Variants in ZDHHC15 observed in about 807,000 individuals in gnomAD.
ZDHHC15 encodes the protein palmitoyltransferase ZDHHC15.
A neutral mutation model predicts 31.7 loss-of-function variants in ZDHHC15; 19 were observed. That is an observed-to-expected ratio of 0.60 (90% confidence interval 0.42 to 0.88). The LOEUF (loss-of-function observed/expected upper bound fraction) is 0.88. Among genes scored for constraint, ZDHHC15 ranks in the 40% least tolerant of loss-of-function variants. ZDHHC15 has a pLI of 0.00. For synonymous variants in ZDHHC15, 103 were observed against 90.0 expected (o/e 1.14, Z -0.82); for missense variants, 209 against 251.2 (o/e 0.83, Z 1.14).
chrX:75,444,772 T>G, intron 4 of ZDHHC15, among the ~76,000 whole-genome samples: 1 of 100,080 alleles, frequency 1.0e-5, no homozygotes, highest in Admixed American at 1.1e-4. Context: ...CTGGAAATGG[T>G]AATGTTTAAA....
chrX:75,394,769 C>T (rs1263884522), intron 10 of ZDHHC15, among the ~76,000 whole-genome samples: 1 of 111,696 alleles, frequency 9.0e-6, no homozygotes, highest in Admixed American at 9.5e-5. Context: ...AAAACAATAA[C>T]AGCTGGAGAC....
chrX:75,443,852 G>A (rs1425131058), intron 4 of ZDHHC15, among the ~76,000 whole-genome samples: 6 of 110,073 alleles, frequency 5.5e-5, no homozygotes, highest in Non-Finnish European at 1.1e-4. Context: ...ATGCAGCCAA[G>A]ACACACATGA....
Position 75,373,926 on chromosome X carries a change from G to GTT in ZDHHC15, c.*33-983_*33-982dup, listed in dbSNP as rs35704680. ...ATACTAGGTCTTATTCATTCTTTCT[G>GTT]TTTTTTTTTTTTTTTTTTTTTTGTA... is the stretch of plus-strand genomic sequence containing the variant. On this transcript the variant is annotated intron_variant, in intron 11 of 11. Transcript: ENST00000373367. Among the ~76,000 whole-genome samples, 148 of 50,442 alleles carry GTT rather than the reference G, an allele frequency of 2.9e-3. 9 individuals are homozygous for GTT. The highest frequency in any genetic ancestry group is 0.01 in the African/African-American group (138 of 13,175). 43.8% of individuals were successfully genotyped at this position (50,442 alleles called of 115,157 possible).
chrX:75,514,236 T>C (rs1401779861), intron 1 of ZDHHC15, among the ~76,000 whole-genome samples: 1 of 110,018 alleles, frequency 9.1e-6, no homozygotes, highest in African/African-American at 3.4e-5. Context: ...GAGTTTTACG[T>C]TTTTTTTAAC....
In ZDHHC15 at chrX:75,474,522, GTA is replaced by G. The variant is rs1257726704; in HGVS notation, c.258+4367_258+4368del. ...CACTTTTATATACTCCCATATGTGT[GTA>G]TATATATATATATAATCCCCTTTAT... On this transcript the variant is annotated intron_variant, in intron 3 of 11. Coordinates refer to ENST00000373367, the MANE Select transcript of ZDHHC15 (RefSeq NM_144969.3). Among the ~76,000 whole-genome samples, 26 of 10,609 alleles carry G rather than the reference GTA, an allele frequency of 2.5e-3. No individual in the cohort carries two copies. The East Asian group carries it at 0.042, about 17-fold the overall frequency. 9.2% of individuals were successfully genotyped at this position (10,609 alleles called of 115,157 possible).
At chrX:75,490,848 T>C (rs1197493708) in intron 2 of ZDHHC15, among the ~76,000 whole-genome samples, 1 of 112,050 alleles carries the variant, frequency 8.9e-6, no homozygotes, top group Non-Finnish European at 1.9e-5. Flanking sequence ...TTTTGTATCC[T>C]GAGGCTTTGC....
chrX:75,463,821 T>A (rs909273970), intron 3 of ZDHHC15, among the ~76,000 whole-genome samples: 3 of 111,016 alleles, frequency 2.7e-5, no homozygotes, highest in Non-Finnish European at 3.8e-5. Context: ...ATAGGAAAAA[T>A]TTTACACTGA....
At chrX:75,414,043 T>C (rs993602817) in intron 10 of ZDHHC15, among the ~76,000 whole-genome samples, 1 of 111,920 alleles carries the variant, frequency 8.9e-6, no homozygotes, top group Non-Finnish European at 1.9e-5. Context: ...TTTCATTATG[T>C]AAGCTACAGG....
chrX:75,444,654 A>G (rs1165394106), intron 4 of ZDHHC15, among the ~76,000 whole-genome samples: 76 of 15,414 alleles, frequency 4.9e-3, no homozygotes, highest in Non-Finnish European at 0.015. Context: ...ATATATATAT[A>G]TATATATATA....
chrX:75,473,732 C>T (rs1350854130), intron 3 of ZDHHC15, among the ~76,000 whole-genome samples: 3 of 111,661 alleles, frequency 2.7e-5, no homozygotes, highest in Admixed American at 9.5e-5. Flanking sequence ...GTTGCAGAAA[C>T]AAGAACTATA....
chrX:75,391,172 C>G (rs747499201), intron 10 of ZDHHC15, among the ~76,000 whole-genome samples: 2 of 111,207 alleles, frequency 1.8e-5, no homozygotes, highest in East Asian at 2.8e-4. Context: ...AAAATACACA[C>G]AGAGAAGAGA....
intron 10 of ZDHHC15, among the ~76,000 whole-genome samples, chrX:75,381,978 C>A (rs1277927863): frequency 8.9e-6 from 1 of 112,065 alleles, no homozygotes; most frequent in Non-Finnish European, 1.9e-5. Context: ...GAATAGCCCA[C>A]TTCCCCCCTT....
At chrX:75,416,871 A>T (rs1192878545) in intron 10 of ZDHHC15, among the ~76,000 whole-genome samples, 2 of 111,528 alleles carry the variant, frequency 1.8e-5, no homozygotes. Flanking sequence ...AATATAAATC[A>T]CAGAATCACA....
intron 1 of ZDHHC15, among the ~76,000 whole-genome samples, chrX:75,517,233 C>T: frequency 8.9e-6 from 1 of 111,786 alleles, no homozygotes; most frequent in East Asian, 2.8e-4. Flanking sequence ...GATCCCATTA[C>T]TGGGAATATA....
intron 1 of ZDHHC15, among the ~76,000 whole-genome samples, chrX:75,507,766 T>A (rs1302685784): frequency 8.9e-6 from 1 of 111,907 alleles, no homozygotes; most frequent in Non-Finnish European, 1.9e-5. Context: ...TCTCCTTTTT[T>A]CTTTCATTAT....
intron 3 of ZDHHC15, among the ~76,000 whole-genome samples, 155 bp downstream of exon 3, chrX:75,478,736 C>G (rs1164029134): frequency 2.7e-5 from 3 of 111,477 alleles, no homozygotes; most frequent in Non-Finnish European, 5.6e-5. Context: ...CTTCAATAGC[C>G]TATCCTACCC....
At chrX:75,468,583 T>C (rs2084451895) in intron 3 of ZDHHC15, among the ~76,000 whole-genome samples, 1 of 111,865 alleles carries the variant, frequency 8.9e-6, no homozygotes, top group Non-Finnish European at 1.9e-5. Flanking sequence ...GGTATGTATC[T>C]AGGAGTGGGA....
intron 10 of ZDHHC15, among the ~76,000 whole-genome samples, chrX:75,414,828 C>T (rs2083530848): frequency 9.3e-6 from 1 of 107,290 alleles, no homozygotes; most frequent in Non-Finnish European, 1.9e-5. Context: ...TGCAGTGGCA[C>T]GATCTCAGCT....
At chrX:75,478,032 G>C (rs2084633449) in intron 3 of ZDHHC15, among the ~76,000 whole-genome samples, 2 of 111,091 alleles carry the variant, frequency 1.8e-5, no homozygotes, top group South Asian at 7.6e-4. Context: ...ATGTTCGGAG[G>C]CTGGAAAGTT....
Sources: gnomAD v4.1 joint callset for allele counts (sites outside exome capture counted in the v4.1 genomes callset) on GRCh38, gnomAD v4.1.1 for gene constraint, MANE v1.5 for transcripts, NCBI Gene and HGNC (gene_info 2026-07-23, HGNC 2026-07-21) for gene names.